Variants in RBFOX1 observed in about 807,000 individuals in gnomAD.
The protein encoded by RBFOX1 is RNA binding fox-1 homolog 1.
RBFOX1 carries 8 observed loss-of-function variants against 57.7 expected under a neutral mutation model. The ratio of observed to expected loss-of-function variants is 0.14; its 90% CI spans 0.08 to 0.25. The LOEUF is 0.25. Among genes scored for constraint, RBFOX1 ranks in the 10% least tolerant of loss-of-function variants. The pLI, the probability that RBFOX1 is intolerant of heterozygous loss-of-function variation, is 1.00. For synonymous variants in RBFOX1, 326 were observed against 222.4 expected (o/e 1.47, Z -4.15); for missense variants, 611 against 548.5 (o/e 1.11, Z -1.14).
intron 1 of RBFOX1, among the ~76,000 whole-genome samples, chr16:5,301,825 G>C (rs570331083): frequency 1.3e-5 from 2 of 151,982 alleles, no homozygotes; most frequent in East Asian, 3.9e-4. Flanking sequence ...AAGTCACTAA[G>C]TTTTAGGGTA....
intron 4 of RBFOX1, among the ~76,000 whole-genome samples, chr16:7,505,319 A>C (rs2072908922): frequency 6.6e-6 from 1 of 152,018 alleles, no homozygotes; most frequent in African/African-American, 2.4e-5. Flanking sequence ...ATGGACACCA[A>C]AATGTGTATA....
chr16:7,642,372 C>A (rs2062976604), intron 11 of RBFOX1, among the ~76,000 whole-genome samples: 1 of 152,132 alleles, frequency 6.6e-6, no homozygotes, highest in Admixed American at 6.5e-5. Context: ...AGCACTGACA[C>A]ACAGATCAGC....
intron 2 of RBFOX1, among the ~76,000 whole-genome samples, chr16:6,367,161 G>T (rs1417387720): frequency 6.6e-6 from 1 of 152,234 alleles, no homozygotes; most frequent in Admixed American, 6.5e-5. Flanking sequence ...GAGCTTTGAC[G>T]TCAGCACGTG....
At chr16:6,682,035 A>G (rs991001829) in intron 3 of RBFOX1, among the ~76,000 whole-genome samples, 3 of 152,128 alleles carry the variant, frequency 2.0e-5, no homozygotes, top group Non-Finnish European at 4.4e-5. Context: ...CTGACTGAGA[A>G]CTCTTTGCTC....
chr16:6,262,281 C>T (rs1403018756), intron 1 of RBFOX1, among the ~76,000 whole-genome samples: 1 of 152,086 alleles, frequency 6.6e-6, no homozygotes, highest in Non-Finnish European at 1.5e-5. Flanking sequence ...AAGGGTACTT[C>T]CTGGAAGCTG....
At chr16:5,718,816 G>A (rs908270408) in intron 3 of RBFOX1, among the ~76,000 whole-genome samples, 1 of 152,142 alleles carries the variant, frequency 6.6e-6, no homozygotes, top group African/African-American at 2.4e-5. Context: ...GGCTGAGGCA[G>A]GAGAATCGCT....
chr16:5,950,782 C>G (rs2059504041), intron 4 of RBFOX1, among the ~76,000 whole-genome samples: 1 of 151,764 alleles, frequency 6.6e-6, no homozygotes, highest in African/African-American at 2.4e-5. Flanking sequence ...GCTTTTTTTT[C>G]CCTTGAGGGT....
intron 2 of RBFOX1, among the ~76,000 whole-genome samples, chr16:6,515,397 A>G (rs2096355826): frequency 6.6e-6 from 1 of 152,194 alleles, no homozygotes; most frequent in Non-Finnish European, 1.5e-5. Context: ...AAAACCAAAC[A>G]TATGAGCCTG....
intron 2 of RBFOX1, among the ~76,000 whole-genome samples, chr16:6,588,657 C>T (rs1284709179): frequency 6.6e-6 from 1 of 152,082 alleles, no homozygotes; most frequent in Non-Finnish European, 1.5e-5. Context: ...GTCTGAAAAA[C>T]AAAAAATGAG....
intron 4 of RBFOX1, among the ~76,000 whole-genome samples, chr16:7,162,751 A>G (rs1014479529): frequency 2.0e-5 from 3 of 152,018 alleles, no homozygotes; most frequent in African/African-American, 4.8e-5. Context: ...TCCAGATTTC[A>G]TGATTTCTAG....
intron 2 of RBFOX1, among the ~76,000 whole-genome samples, chr16:6,585,070 G>C (rs776804478): frequency 3.9e-4 from 59 of 152,294 alleles, no homozygotes; most frequent in Non-Finnish European, 8.2e-4. Context: ...CTGAGACACA[G>C]AGAGCTTGGC....
chr16:6,094,014 G>A (rs2096212642), intron 1 of RBFOX1, among the ~76,000 whole-genome samples: 1 of 152,172 alleles, frequency 6.6e-6, no homozygotes, highest in Admixed American at 6.5e-5. Context: ...GGTAATCTGT[G>A]TTCTGTGGAG....
At chr16:7,128,631 C>T (rs774378852) in intron 4 of RBFOX1, among the ~76,000 whole-genome samples, 1 of 152,102 alleles carries the variant, frequency 6.6e-6, no homozygotes, top group African/African-American at 2.4e-5. Flanking sequence ...CTGACACATT[C>T]TCATTTCTAC....
intron 1 of RBFOX1, among the ~76,000 whole-genome samples, chr16:6,126,967 A>G (rs1490135647): frequency 6.6e-6 from 1 of 152,172 alleles, no homozygotes; most frequent in Non-Finnish European, 1.5e-5. Context: ...GATAAAAAAC[A>G]AGGAGGGTTT....
In RBFOX1 at chr16:6,765,658, C is replaced by T. The variant is rs577128609; in HGVS notation, c.-16+111008C>T. 5.9e-5 allele frequency among the ~76,000 whole-genome samples: 9 copies of T among 152,332 alleles called. No individual in the cohort carries two copies. The South Asian group carries it at 1.4e-3, about 25-fold the overall frequency. ...AATCACTCTACCCAATACTGGGTCTCTACCCAGAGGAAAGATGCCTGCTTG... is the reference window on the plus strand; with the variant it reads ...AATCACTCTACCCAATACTGGGTCTTTACCCAGAGGAAAGATGCCTGCTTG... On this transcript the variant is annotated intron_variant, in intron 3 of 15. Transcript: ENST00000550418.
intron 3 of RBFOX1, among the ~76,000 whole-genome samples, chr16:5,812,011 C>T (rs532915231): frequency 1.1e-4 from 16 of 152,202 alleles, no homozygotes; most frequent in African/African-American, 3.1e-4. Context: ...TTTGCCCTTT[C>T]TGGACGTTTC....
chr16:6,526,122 A>T (rs1422453475), intron 2 of RBFOX1, among the ~76,000 whole-genome samples: 1 of 152,204 alleles, frequency 6.6e-6, no homozygotes, highest in African/African-American at 2.4e-5. Context: ...TGAGTCATGG[A>T]ATCTTTACTT....
At chr16:6,171,927 T>C (rs1460422450) in intron 1 of RBFOX1, among the ~76,000 whole-genome samples, 1 of 152,106 alleles carries the variant, frequency 6.6e-6, no homozygotes, top group Non-Finnish European at 1.5e-5. Flanking sequence ...GTTCAAGTGA[T>C]TGTCCTGCCT....
At chr16:5,276,039 A>G (rs1180641293) in intron 1 of RBFOX1, among the ~76,000 whole-genome samples, 1 of 152,242 alleles carries the variant, frequency 6.6e-6, no homozygotes, top group Non-Finnish European at 1.5e-5. Flanking sequence ...TCAACACAAG[A>G]TGGATCAAAG....
Sources: gnomAD v4.1 joint callset for allele counts (sites outside exome capture counted in the v4.1 genomes callset) on GRCh38, gnomAD v4.1.1 for gene constraint, MANE v1.5 for transcripts, NCBI Gene and HGNC (gene_info 2026-07-23, HGNC 2026-07-21) for gene names.